Variants in SDK2 observed in about 807,000 individuals in gnomAD.
The protein encoded by SDK2 is sidekick cell adhesion molecule 2.
In SDK2, 105 loss-of-function variants were observed where a neutral mutation model predicts 253.9. That is an observed-to-expected ratio of 0.41 (90% CI 0.35 to 0.49). The LOEUF (loss-of-function observed/expected upper bound fraction) is 0.49, where lower values mean the gene tolerates loss of function less well. SDK2 is among the 20% of genes least tolerant of loss of function. The pLI, the probability that SDK2 is intolerant of heterozygous loss-of-function variation, is 0.06. For synonymous variants in SDK2, 1,249 were observed against 1,234.9 expected, an observed-to-expected ratio of 1.01 and a Z score of -0.24; for missense variants, 2,608 against 3,003.0, an observed-to-expected ratio of 0.87 and a Z score of 3.07.
chr17:73,555,500 A>T (rs139478675), intron 1 of SDK2, among the ~76,000 whole-genome samples: 2,464 of 152,318 alleles, frequency 0.016, 25 homozygotes, highest in African/African-American at 0.031. Context: ...GGCTGGCCCA[A>T]GGTTGCTCAC....
Position 73,479,600 on chromosome 17 carries a change from A to G in SDK2, c.225-7382T>C, listed in dbSNP as rs373865861. 4.0e-4 allele frequency among the ~76,000 whole-genome samples: 61 copies of G among 152,376 alleles called. 1 individual carries two copies. The South Asian group carries it at 0.012, about 30-fold the overall frequency. On this transcript the variant is annotated intron_variant, in intron 2 of 44. Coordinates refer to ENST00000392650, the MANE Select transcript of SDK2 (RefSeq NM_001144952.2). The stretch of plus-strand genomic sequence containing the variant: ...AATATACCATTATGCAATTAACATA[A>G]TAACTATTATTATAATAAATGTCAC...
Position 73,438,027 on chromosome 17 carries a change from C to T in SDK2, c.853G>A (p.Glu285Lys), listed in dbSNP as rs1433489959. ...ACGCTGCTGCTGCGCAGGACAGCCT[C>T]ACACTCGTAGTAGCCGGCGTCACTG... is the stretch of plus-strand genomic sequence containing the variant. ...TGSDAGYYEC[E>K]AVLRSSSVPS... Residue 285 changes from glutamate (E) to lysine (K), a missense_variant, in exon 7 of 45, where the codon GAG becomes AAG. Glu to Lys is a moderately conservative substitution (Grantham distance 56). Transcript: ENST00000392650. The T allele has an allele frequency of 1.3e-6, 2 of 1,551,632 alleles. No individual in the cohort carries two copies. The highest frequency in any genetic ancestry group is 1.7e-6 in the Non-Finnish European group (2 of 1,147,018).
chr17:73,604,670 G>A (rs2143081445), intron 1 of SDK2, among the ~76,000 whole-genome samples: 1 of 152,290 alleles, frequency 6.6e-6, no homozygotes, highest in Non-Finnish European at 1.5e-5. Context: ...AGAGAGAAAG[G>A]ATAGCATTAG....
chr17:73,520,692 ACTGGG>A (rs2064071560), intron 1 of SDK2: 1 of 152,302 alleles, frequency 6.6e-6, no homozygotes. Context: ...TCTAGGGCAG[ACTGGG>A]CTGCTCCCTC....
rs907718878 is a variant in SDK2, at chr17:73,639,233, C to T, written c.64+4792G>A. On this transcript the variant is annotated intron_variant, in intron 1 of 44. Transcript: ENST00000392650. The surrounding 1 kb of genome is among the most constrained non-coding windows in gnomAD (Gnocchi z 4.3). ...AAGCCACGCTGGGAGCCATTCACCACGTCTGCAGGAGAAGGGTCTCCCCAG... is the reference window on the plus strand; with the variant it reads ...AAGCCACGCTGGGAGCCATTCACCATGTCTGCAGGAGAAGGGTCTCCCCAG... 3.9e-5 allele frequency among the ~76,000 whole-genome samples: 6 copies of T among 152,218 alleles called. No homozygotes were observed. In the East Asian group the frequency reaches 5.8e-4, roughly 15 times the overall value.
intron 1 of SDK2, chr17:73,518,887 C>A (rs958682054): frequency 4.6e-5 from 7 of 152,218 alleles, no homozygotes; most frequent in African/African-American, 1.7e-4. Flanking sequence ...AGACTTGAGA[C>A]CCCCTAGAAA....
intron 18 of SDK2, 26 bp downstream of exon 18, chr17:73,414,618 C>T: frequency 6.3e-7 from 1 of 1,576,474 alleles, no homozygotes; most frequent in Non-Finnish European, 8.7e-7. Flanking sequence ...AGGGCCTCCT[C>T]TTGGGTGAGG....
rs2046376210 is a variant in SDK2, at chr17:73,639,822, C to G, written c.64+4203G>C. Among the ~76,000 whole-genome samples, 1 of 152,132 alleles carries G rather than the reference C, an allele frequency of 6.6e-6. No individual in the cohort carries two copies. The highest frequency in any genetic ancestry group is 1.5e-5 in the Non-Finnish European group (1 of 68,024). ...ATTTCTTCATCAGCATAAAACATAGCTAACAGCCAGCTGGTGTTGAGCAGT... is the reference window on the plus strand; with the variant it reads ...ATTTCTTCATCAGCATAAAACATAGGTAACAGCCAGCTGGTGTTGAGCAGT... On this transcript the variant is annotated intron_variant, in intron 1 of 44. Transcript: ENST00000392650. This position sits in a 1 kb window ranked among gnomAD's most constrained non-coding sequence, Gnocchi z 4.3.
intron 44 of SDK2, among the ~76,000 whole-genome samples, chr17:73,342,183 C>T (rs11657561): frequency 1.3e-5 from 2 of 151,914 alleles, no homozygotes; most frequent in African/African-American, 4.8e-5. Flanking sequence ...CCTCACCCCT[C>T]TACAACCCCA....
At chr17:73,463,775 G>T (rs962590973) in intron 3 of SDK2, among the ~76,000 whole-genome samples, 2 of 152,152 alleles carry the variant, frequency 1.3e-5, no homozygotes, top group Non-Finnish European at 2.9e-5. Context: ...TTTCACGGCT[G>T]GATGGAATTC....
In SDK2 at chr17:73,477,780, C is replaced by A. The variant is rs1282686228; in HGVS notation, c.225-5562G>T. Among the ~76,000 whole-genome samples, 4 of 152,264 alleles carry A rather than the reference C, an allele frequency of 2.6e-5. 1 individual carries two copies. The East Asian group carries it at 7.7e-4, about 29-fold the overall frequency. ...CTCGGCTTCTGACCCCTCAACCTCC[C>A]AGTCACCTCCATGTGCCTCCTTGAG... is the stretch of plus-strand genomic sequence containing the variant. On this transcript the variant is annotated intron_variant, in intron 2 of 44. Transcript: ENST00000392650.
rs1345323955 is a variant in SDK2, at chr17:73,431,331, C to A, written c.1480+171G>T. ...TCTTCCTAGTCCCTGGCCTCTGAAC[C>A]ACTTTGTCACTGTCCCTCTGATGAG... On this transcript the variant is annotated intron_variant, in intron 11 of 44. Transcript: ENST00000392650. The surrounding 1 kb of genome is among the most constrained non-coding windows in gnomAD (Gnocchi z 5.6). 6.6e-6 allele frequency among the ~76,000 whole-genome samples: 1 copy of A among 152,158 alleles called. No homozygotes were observed. The highest frequency in any genetic ancestry group is 1.5e-5 in the Non-Finnish European group (1 of 68,032).
intron 1 of SDK2, among the ~76,000 whole-genome samples, chr17:73,532,957 A>G (rs11656549): frequency 0.34 from 51,422 of 152,058 alleles, 9,067 homozygotes; most frequent in East Asian, 0.59. Flanking sequence ...TAATAAAGGC[A>G]TTTAATAAAG....
At chr17:73,421,239 A>G (rs1443520066) in intron 15 of SDK2, among the ~76,000 whole-genome samples, 1 of 151,390 alleles carries the variant, frequency 6.6e-6, no homozygotes, top group Non-Finnish European at 1.5e-5. Context: ...TGCTCTCCAC[A>G]CGGGCTGCCA....
chr17:73,391,296 A>C (rs899320686), intron 28 of SDK2, 144 bp downstream of exon 28: 1 of 417,728 alleles, frequency 2.4e-6, no homozygotes, highest in African/African-American at 2.0e-5. Context: ...TAGCAGGAGG[A>C]CTAACACCCA....
At chr17:73,468,499 A>G (rs1439391203) in intron 3 of SDK2, among the ~76,000 whole-genome samples, 3 of 152,082 alleles carry the variant, frequency 2.0e-5, no homozygotes, top group African/African-American at 7.2e-5. Context: ...GTCTGACTCC[A>G]AAGTCCACTC....
At position 73,352,453 on chromosome 17, in the gene SDK2, C is replaced by G. The variant is rs752330801; in HGVS notation, c.5758+20G>C. 17 of 1,602,284 alleles carry G rather than the reference C, an allele frequency of 1.1e-5. No homozygotes were observed. In the East Asian group the frequency reaches 2.9e-4, roughly 28 times the overall value. On this transcript the variant is annotated intron_variant, in intron 41 of 44. Coordinates refer to ENST00000392650, the MANE Select transcript of SDK2 (RefSeq NM_001144952.2). The surrounding 1 kb of genome is among the most constrained non-coding windows in gnomAD (Gnocchi z 4.1). ...CTCTGCTGTGGGGCTCCCCCACTCC[C>G]TCAGCCCCCAGGCCGGTACCTGGCA...
At chr17:73,392,329 G>T (rs1254549255) in intron 27 of SDK2, among the ~76,000 whole-genome samples, 1 of 151,882 alleles carries the variant, frequency 6.6e-6, no homozygotes, top group Non-Finnish European at 1.5e-5. Flanking sequence ...GAGTGCAGTG[G>T]CGTAATCTCA....
Position 73,385,862 on chromosome 17 carries a change from C to G in SDK2, c.4554G>C (p.Val1518=). ...LSVTPHTTTS[V]LIRWQPPAED... ...TGGGCCATACCTGCCATCGGATTAG[C>G]ACGGAGGTGGTGGTGTGGGGCGTCA... Residue 1518 remains valine (V), a synonymous_variant, in exon 32 of 45, where the codon GTG becomes GTC. Transcript: ENST00000392650. 6.2e-7 allele frequency: 1 copy of G among 1,608,000 alleles called. No homozygotes were observed.
Sources: allele counts gnomAD v4.1 joint callset (sites outside exome capture counted in the v4.1 genomes callset), GRCh38; gene constraint gnomAD v4.1.1; non-coding constraint Gnocchi (gnomAD v3.1); transcripts MANE v1.5; gene names NCBI Gene and HGNC (gene_info 2026-07-23, HGNC 2026-07-21).